TENM3: variants seen among roughly 807,000 people sequenced by gnomAD.
TENM3 encodes teneurin-3.
Under a neutral mutation model 255.1 loss-of-function variants are expected in TENM3, and 63 were observed. The observed-to-expected ratio is 0.25, with a 90% CI of 0.20 to 0.30. The LOEUF (loss-of-function observed/expected upper bound fraction) is 0.30. Among genes scored for constraint, TENM3 ranks in the 10% least tolerant of loss-of-function variants. The pLI, the probability that TENM3 is intolerant of heterozygous loss-of-function variation, is 1.00. For missense variants in TENM3, 2,929 were observed against 3,461.1 expected, an observed-to-expected ratio of 0.85 and a Z score of 3.86; for synonymous variants, 1,306 against 1,322.3, an observed-to-expected ratio of 0.99 and a Z score of 0.27.
At chr4:181,470,036 G>T in the TENM3 span, among the ~76,000 whole-genome samples, 1 of 147,952 alleles carries the variant, frequency 6.8e-6, no homozygotes, top group Non-Finnish European at 1.5e-5. Context: ...TTCCCAACAT[G>T]TGACTGTGTC....
intron 7 of TENM3, among the ~76,000 whole-genome samples, chr4:182,674,567 G>A (rs1755501795): frequency 6.6e-6 from 1 of 151,802 alleles, no homozygotes; most frequent in Admixed American, 6.6e-5. Context: ...TTGGGGTTTT[G>A]GTTTTTGTTT....
intron 12 of TENM3, among the ~76,000 whole-genome samples, chr4:182,692,996 G>C (rs1280483526): frequency 6.6e-6 from 1 of 152,028 alleles, no homozygotes; most frequent in Non-Finnish European, 1.5e-5. Context: ...AAAACTACTA[G>C]ATTTAAACAT....
At chr4:181,969,984 C>G in the TENM3 span, among the ~76,000 whole-genome samples, 2 of 152,170 alleles carry the variant, frequency 1.3e-5, no homozygotes, top group Non-Finnish European at 2.9e-5. Context: ...AGTTGAGTTT[C>G]TTTATGACTG....
intron 3 of TENM3, among the ~76,000 whole-genome samples, chr4:182,422,526 G>A (rs925687446): frequency 1.3e-5 from 2 of 152,152 alleles, no homozygotes; most frequent in Non-Finnish European, 2.9e-5. Context: ...AAATTATGAA[G>A]TGTAAATTAG....
the TENM3 span, among the ~76,000 whole-genome samples, chr4:181,845,212 A>G: frequency 6.6e-6 from 1 of 152,186 alleles, no homozygotes; most frequent in African/African-American, 2.4e-5. Context: ...TAGTAAGCAG[A>G]ATTTTTTAAA....
chr4:182,775,628 C>T (rs1368005566), intron 24 of TENM3, among the ~76,000 whole-genome samples: 1 of 152,184 alleles, frequency 6.6e-6, no homozygotes, highest in South Asian at 2.1e-4. Flanking sequence ...TCACAGGCCT[C>T]CTCTTGCTCA....
At chr4:181,620,234 C>G in the TENM3 span, among the ~76,000 whole-genome samples, 2 of 151,752 alleles carry the variant, frequency 1.3e-5, no homozygotes, top group African/African-American at 4.8e-5. Flanking sequence ...GCACTCTAGC[C>G]TGGGTGACAG....
At chr4:182,726,220 A>G (rs1425241156) in intron 13 of TENM3, among the ~76,000 whole-genome samples, 2 of 152,076 alleles carry the variant, frequency 1.3e-5, no homozygotes, top group Non-Finnish European at 2.9e-5. Flanking sequence ...CCCTCCCCCA[A>G]CTACAAAGGA....
chr4:181,553,275 G>A, the TENM3 span, among the ~76,000 whole-genome samples: 5 of 135,238 alleles, frequency 3.7e-5, no homozygotes, highest in African/African-American at 1.5e-4. Flanking sequence ...GTGTGTGTGT[G>A]TGTGTGTGTG....
chr4:182,141,627 G>A (rs188031111), upstream of TENM3: 7 of 152,318 alleles, frequency 4.6e-5, no homozygotes, highest in Admixed American at 4.6e-4. Flanking sequence ...CCGTATTAAT[G>A]AGTTCTAGAG....
At chr4:181,758,611 C>A in the TENM3 span, among the ~76,000 whole-genome samples, 1 of 152,240 alleles carries the variant, frequency 6.6e-6, no homozygotes, top group Admixed American at 6.5e-5. Flanking sequence ...TTGCACCTTA[C>A]GGAACAGAAT....
chr4:181,565,547 C>T, the TENM3 span, among the ~76,000 whole-genome samples: 2 of 152,156 alleles, frequency 1.3e-5, no homozygotes, highest in Admixed American at 1.3e-4. Context: ...CAGAATATTA[C>T]AGGGATGCGG....
At chr4:181,536,105 T>C in the TENM3 span, among the ~76,000 whole-genome samples, 1 of 152,222 alleles carries the variant, frequency 6.6e-6, no homozygotes, top group South Asian at 2.1e-4. Context: ...TGTTTGCTAC[T>C]GAATCCCATA....
At chr4:181,605,491 AAAG>A in the TENM3 span, among the ~76,000 whole-genome samples, 4 of 7,952 alleles carry the variant, frequency 5.0e-4, no homozygotes, top group South Asian at 4.2e-3. Flanking sequence ...AGAAAGAAAG[AAAG>A]AAAGAAAGAA....
chr4:182,127,153 A>G, the TENM3 span, among the ~76,000 whole-genome samples: 1 of 117,810 alleles, frequency 8.5e-6, no homozygotes, highest in East Asian at 2.2e-4. Context: ...TAAAGTATTT[A>G]TCCACATGAG....
the TENM3 span, among the ~76,000 whole-genome samples, chr4:182,000,001 T>C: frequency 6.6e-6 from 1 of 152,168 alleles, no homozygotes; most frequent in Non-Finnish European, 1.5e-5. Flanking sequence ...TTTTCATCCA[T>C]AGTTATTTTA....
the TENM3 span, among the ~76,000 whole-genome samples, chr4:181,612,741 A>G: frequency 6.6e-6 from 1 of 152,222 alleles, no homozygotes; most frequent in Non-Finnish European, 1.5e-5. Flanking sequence ...AAGGCTTAAC[A>G]TACTAATTGA....
the TENM3 span, among the ~76,000 whole-genome samples, chr4:181,920,957 G>A: frequency 7.9e-4 from 121 of 152,296 alleles, 1 homozygote; most frequent in South Asian, 0.024. Context: ...CATATGGCTA[G>A]CCAGTTTTCC....
chr4:181,736,276 C>A, the TENM3 span, among the ~76,000 whole-genome samples: 1 of 151,928 alleles, frequency 6.6e-6, no homozygotes, highest in African/African-American at 2.4e-5. Context: ...CCAGCCTGGG[C>A]GACAATAGCA....
Sources: allele counts gnomAD v4.1 joint callset (sites outside exome capture counted in the v4.1 genomes callset), GRCh38; gene constraint gnomAD v4.1.1; transcripts MANE v1.5; gene names NCBI Gene and HGNC (gene_info 2026-07-23, HGNC 2026-07-21).